PLD5: variants seen among roughly 807,000 people sequenced by gnomAD.
The protein encoded by PLD5 is phospholipase D family member 5.
Under a neutral mutation model 61.1 loss-of-function variants are expected in PLD5, and 36 were observed. The ratio of observed to expected loss-of-function variants is 0.59; its 90% CI spans 0.45 to 0.78. PLD5 has a LOEUF of 0.78. Among genes scored for constraint, PLD5 ranks in the 30% least tolerant of loss-of-function variants. PLD5 has a pLI of 0.00. For synonymous variants in PLD5, 243 were observed against 242.8 expected (o/e 1.00, Z -0.01); for missense variants, 515 against 644.4 (o/e 0.80, Z 2.17).
At chr1:242,174,361 A>C (rs957391322) in intron 5 of PLD5, among the ~76,000 whole-genome samples, 2 of 152,218 alleles carry the variant, frequency 1.3e-5, no homozygotes, top group East Asian at 1.9e-4. Flanking sequence ...ACCACCTCAC[A>C]CCAGTTAGAA....
At position 242,227,079 on chromosome 1, in the gene PLD5, C is replaced by A. The variant is rs1017092307; in HGVS notation, c.608-6964G>T. 2.0e-5 allele frequency among the ~76,000 whole-genome samples: 3 copies of A among 152,154 alleles called. No homozygotes were observed. In the South Asian group the frequency reaches 6.2e-4, roughly 32 times the overall value. On this transcript the variant is annotated intron_variant, in intron 4 of 9. Transcript: ENST00000536534. The stretch of plus-strand genomic sequence containing the variant: ...GAGAGCCTTCCTCTACCAAGACTTT[C>A]TAGCATTAAACTTGTTTATCATAGA...
At chr1:242,359,161 C>T (rs1396904593) in intron 1 of PLD5, among the ~76,000 whole-genome samples, 1 of 151,952 alleles carries the variant, frequency 6.6e-6, no homozygotes, top group East Asian at 1.9e-4. Context: ...GGGTTTTACC[C>T]TCCTTGCTTT....
At chr1:242,314,678 G>T (rs1487270450) in intron 2 of PLD5, among the ~76,000 whole-genome samples, 3 of 152,036 alleles carry the variant, frequency 2.0e-5, no homozygotes, top group Non-Finnish European at 2.9e-5. Flanking sequence ...CTGCTTTTCT[G>T]AAAGTATACC....
Position 242,126,581 on chromosome 1 carries a change from A to T in PLD5, c.736-1916T>A, listed in dbSNP as rs190426000. ...GGGGAAAGGACACGCTATTCAACAA[A>T]TGGTGCTGGGATAATTGGCAAGACA... On this transcript the variant is annotated intron_variant, in intron 5 of 9. Coordinates refer to ENST00000536534, the MANE Select transcript of PLD5 (RefSeq NM_001372062.1). 2.7e-4 allele frequency among the ~76,000 whole-genome samples: 41 copies of T among 152,346 alleles called. No homozygotes were observed. The East Asian group carries it at 4.2e-3, about 16-fold the overall frequency.
In PLD5 at chr1:242,277,970, G is replaced by A. The variant is rs1484794322; in HGVS notation, c.495+10392C>T. Among the ~76,000 whole-genome samples, 4 of 152,194 alleles carry A rather than the reference G, an allele frequency of 2.6e-5. No homozygotes were observed. The East Asian group carries it at 7.7e-4, about 29-fold the overall frequency. On this transcript the variant is annotated intron_variant, in intron 3 of 9. Transcript: ENST00000536534. ...TGCACTCCAGCCTGGGTGACAGAGT[G>A]AGACCCTGTCTCAAAAACAAACAAA...
At chr1:242,486,993 T>G (rs1255158903) in intron 1 of PLD5, among the ~76,000 whole-genome samples, 1 of 151,872 alleles carries the variant, frequency 6.6e-6, no homozygotes, top group African/African-American at 2.4e-5. Flanking sequence ...TTCTCACTCA[T>G]AGGTGGGAAT....
At chr1:242,470,362 G>GAAAGAAAGAAAGAAAAA (rs1667411906) in intron 1 of PLD5, among the ~76,000 whole-genome samples, 2 of 138,960 alleles carry the variant, frequency 1.4e-5, no homozygotes, top group Admixed American at 1.4e-4. Context: ...AAAAAAGAAA[G>GAAAGAAAGAAAGAAAAA]AAAGAAAGAA....
At chr1:242,470,341 C>T (rs1415052351) in intron 1 of PLD5, among the ~76,000 whole-genome samples, 1 of 119,504 alleles carries the variant, frequency 8.4e-6, no homozygotes, top group Non-Finnish European at 1.7e-5. Context: ...CACTCGGTCT[C>T]AAAGAAAAAA....
At chr1:242,213,289 T>C (rs569373175) in intron 5 of PLD5, among the ~76,000 whole-genome samples, 297 of 152,330 alleles carry the variant, frequency 1.9e-3, no homozygotes, top group African/African-American at 3.3e-3. Flanking sequence ...TCCTACCATG[T>C]GTCAGTATCA....
At chr1:242,362,044 T>C (rs1558497238) in intron 1 of PLD5, among the ~76,000 whole-genome samples, 1 of 151,622 alleles carries the variant, frequency 6.6e-6, no homozygotes, top group Non-Finnish European at 1.5e-5. Flanking sequence ...ACTATGACCC[T>C]AGAGGTAAAA....
chr1:242,507,018 G>A (rs36031101), intron 1 of PLD5, among the ~76,000 whole-genome samples: 105 of 152,234 alleles, frequency 6.9e-4, no homozygotes, highest in Non-Finnish European at 1.2e-3. Context: ...TGGCCCAGGC[G>A]GCAGGAAGTG....
intron 5 of PLD5, among the ~76,000 whole-genome samples, chr1:242,207,307 C>T (rs986853787): frequency 1.3e-5 from 2 of 152,134 alleles, no homozygotes; most frequent in Non-Finnish European, 2.9e-5. Context: ...CCCCGCTTTC[C>T]CCACTGCTCA....
At chr1:242,112,323 G>GTATATATATATATATATATATA (rs1491036599) in intron 7 of PLD5, among the ~76,000 whole-genome samples, 1 of 80,568 alleles carries the variant, frequency 1.2e-5, no homozygotes, top group African/African-American at 6.8e-5. Flanking sequence ...GTGTGTGTGT[G>GTATATATATATATATATATATA]TATGTATGTA....
In PLD5 at chr1:242,270,560, TC is replaced by T. The variant is rs140252024; in HGVS notation, c.496-5113del. On this transcript the variant is annotated intron_variant, in intron 3 of 9. Coordinates refer to ENST00000536534, the MANE Select transcript of PLD5 (RefSeq NM_001372062.1). ...TTAAAGAAAGTTACTCCCCAGTCTCTCCCACTCTTTCCATTCCCAGCTACGG... is the reference window on the plus strand; with the variant it reads ...TTAAAGAAAGTTACTCCCCAGTCTCTCCACTCTTTCCATTCCCAGCTACGG... Among the ~76,000 whole-genome samples, 7 of 152,322 alleles carry T rather than the reference TC, an allele frequency of 4.6e-5. No individual in the cohort carries two copies. The East Asian group carries it at 1.3e-3, about 29-fold the overall frequency.
At chr1:242,434,992 C>G (rs1665919349) in intron 1 of PLD5, among the ~76,000 whole-genome samples, 1 of 151,994 alleles carries the variant, frequency 6.6e-6, no homozygotes, top group Non-Finnish European at 1.5e-5. Flanking sequence ...AGTATTAAGC[C>G]CGTATGCATT....
At chr1:242,448,317 C>G (rs1294961431) in intron 1 of PLD5, among the ~76,000 whole-genome samples, 3 of 152,144 alleles carry the variant, frequency 2.0e-5, no homozygotes, top group Non-Finnish European at 4.4e-5. Flanking sequence ...GAAAGGCAAA[C>G]TCACTTCTAA....
chr1:242,094,479 C>G (rs2148654178), intron 9 of PLD5, among the ~76,000 whole-genome samples: 1 of 152,300 alleles, frequency 6.6e-6, no homozygotes, highest in African/African-American at 2.4e-5. Context: ...TTTTTCTCAA[C>G]TCTGCGTTCT....
rs983981862 is a variant in PLD5 at position 242,434,689 on chromosome 1, C to T, written c.190-86447G>A. 2.6e-5 allele frequency among the ~76,000 whole-genome samples: 4 copies of T among 152,270 alleles called. No individual in the cohort carries two copies. In the South Asian group the frequency reaches 8.3e-4, roughly 32 times the overall value. On this transcript the variant is annotated intron_variant, in intron 1 of 9. Coordinates refer to ENST00000536534, the MANE Select transcript of PLD5 (RefSeq NM_001372062.1). ...AGTGTAGTGGTGCAATCTCGGCTCA[C>T]TGCAAGCTCCGCCTCCCAGCTTCAC...
rs79121532 is a variant in PLD5 at position 242,478,643 on chromosome 1, C to T, written c.189+45445G>A. On this transcript the variant is annotated intron_variant, in intron 1 of 9. Coordinates refer to ENST00000536534, the MANE Select transcript of PLD5 (RefSeq NM_001372062.1). Reference sequence around the variant, plus strand: ...TAGGTCAATCACTTCGCAAGGAGCACCAAGTCCCATTTGTTCATGGGAAAT... The same window carrying T: ...TAGGTCAATCACTTCGCAAGGAGCATCAAGTCCCATTTGTTCATGGGAAAT... Among the ~76,000 whole-genome samples, 958 of 152,224 alleles carry T rather than the reference C, an allele frequency of 6.3e-3. 13 individuals carry two copies. The highest frequency in any genetic ancestry group is 0.022 in the African/African-American group (934 of 41,524).
Sources: allele counts gnomAD v4.1 joint callset (sites outside exome capture counted in the v4.1 genomes callset), GRCh38; gene constraint gnomAD v4.1.1; transcripts MANE v1.5; gene names NCBI Gene and HGNC (gene_info 2026-07-23, HGNC 2026-07-21).